Variants in VLDLR observed in about 807,000 individuals in gnomAD.
The protein encoded by VLDLR is very low-density lipoprotein receptor.
VLDLR carries 81 observed loss-of-function variants against 112.7 expected under a neutral mutation model. The observed-to-expected ratio is 0.72, with a 90% CI of 0.60 to 0.86. The LOEUF is 0.86. Among genes scored for constraint, VLDLR ranks in the 40% least tolerant of loss-of-function variants. The pLI, the probability that VLDLR is intolerant of heterozygous loss-of-function variation, is 0.00. For synonymous variants in VLDLR, 436 were observed against 384.8 expected (o/e 1.13, Z -1.56); for missense variants, 1,237 against 1,099.4 (o/e 1.13, Z -1.77).
chr9:2,623,010 G>A lies in VLDLR; in HGVS notation c.82+739G>A, dbSNP rs535686062. Among the ~76,000 whole-genome samples the A allele has an allele frequency of 1.1e-4, 17 of 152,372 alleles. 1 individual carries two copies. The Middle Eastern group carries it at 0.031, about 274-fold the overall frequency. On this transcript the variant is annotated intron_variant, in intron 1 of 18. Coordinates refer to ENST00000382100, the MANE Select transcript of VLDLR (RefSeq NM_003383.5). ...CGGGTCTCCCGTGTAGCTGAACGCG[G>A]AGGGGGAGTGGAGGGGAGACTTAAT...
At chr9:2,650,289 G>A in intron 14 of VLDLR, 81 bp from the exon 15 acceptor site, 2 of 1,582,672 alleles carry the variant, frequency 1.3e-6, no homozygotes, top group East Asian at 4.6e-5. Flanking sequence ...CAAGGACTCA[G>A]GTCTTCAACA....
Position 2,655,441 on chromosome 9 carries a change from G to C in VLDLR, c.*1573G>C, listed in dbSNP as rs1489001454. The stretch of plus-strand genomic sequence containing the variant: ...TGAGGTGGAGAGTTGGCTGTGGAAG[G>C]TACAGCAATTCCTCTGGAATTAAAT... On this transcript the variant is annotated 3_prime_UTR_variant, in exon 19 of 19. Transcript: ENST00000382100. 6.6e-6 allele frequency: 1 copy of C among 152,172 alleles called. No homozygotes were observed. The highest frequency in any genetic ancestry group is 1.5e-5 in the Non-Finnish European group (1 of 68,038). 9.4% of individuals were successfully genotyped at this position (152,172 alleles called of 1,614,324 possible). A position where few individuals can be genotyped will look rare whatever the true frequency, so the allele number is the denominator to read the frequency against.
At chr9:2,651,644 CAT>C in intron 16 of VLDLR, 146 bp downstream of exon 16, 2 of 906,208 alleles carry the variant, frequency 2.2e-6, no homozygotes, top group South Asian at 3.2e-5. Context: ...TTAAAACTTG[CAT>C]ATCTTTTCCT....
chr9:2,653,977 C>T lies in VLDLR; in HGVS notation c.*109C>T. 1 of 1,119,118 alleles carries T rather than the reference C, an allele frequency of 8.9e-7. No individual in the cohort carries two copies. The allele number at this position is 1,119,118 out of a possible 1,614,324, so 69.3% of individuals were successfully genotyped here. ...TTTTTCTTCCTCTCGGCTGGAAGAA[C>T]ATCAAGATACCTTTGCGTGGATCAA... On this transcript the variant is annotated 3_prime_UTR_variant, in exon 19 of 19. Transcript: ENST00000382100.
chr9:2,624,931 T>C (rs1817024574), intron 1 of VLDLR, among the ~76,000 whole-genome samples: 2 of 152,250 alleles, frequency 1.3e-5, no homozygotes, highest in African/African-American at 4.8e-5. Context: ...CATTTACCTA[T>C]AGTGCCTGTC....
At chr9:2,623,155 G>C (rs556907143) in intron 1 of VLDLR, among the ~76,000 whole-genome samples, 20 of 152,356 alleles carry the variant, frequency 1.3e-4, no homozygotes, top group Admixed American at 1.0e-3. Flanking sequence ...GCGCGAGAGC[G>C]AGCGTGTGGC....
chr9:2,647,679 A>T, intron 12 of VLDLR, 87 bp downstream of exon 12: 4 of 1,175,544 alleles, frequency 3.4e-6, no homozygotes, highest in South Asian at 1.2e-5. Flanking sequence ...GGACTAGCAG[A>T]TGACTCTACT....
At chr9:2,643,604 C>T in intron 5 of VLDLR, 24 bp from the exon 6 acceptor site, 1 of 1,614,186 alleles carries the variant, frequency 6.2e-7, no homozygotes, top group East Asian at 2.2e-5. Flanking sequence ...TGGCTTCATT[C>T]CATGGTGTTT....
intron 1 of VLDLR, among the ~76,000 whole-genome samples, chr9:2,633,935 C>G (rs1457806990): frequency 2.0e-5 from 3 of 152,166 alleles, no homozygotes; most frequent in African/African-American, 7.2e-5. Context: ...ACAACAATCT[C>G]TACCCTCCTC....
chr9:2,656,746 A>C lies in VLDLR; in HGVS notation c.*2878A>C, dbSNP rs898299034. On this transcript the variant is annotated 3_prime_UTR_variant, in exon 19 of 19. Coordinates refer to ENST00000382100, the MANE Select transcript of VLDLR (RefSeq NM_003383.5). ...GAATTGCCACAAAGATTGATGATAG[A>C]TGAATAAACAGATTTGTGGCCTCTG... The C allele has an allele frequency of 2.6e-5, 4 of 151,980 alleles. No individual in the cohort carries two copies. The South Asian group carries it at 8.3e-4, about 32-fold the overall frequency. 9.4% of individuals were successfully genotyped at this position (151,980 alleles called of 1,614,324 possible). A position where few individuals can be genotyped will look rare whatever the true frequency, so the allele number is the denominator to read the frequency against.
At chr9:2,625,930 C>G (rs1586632354) in intron 1 of VLDLR, among the ~76,000 whole-genome samples, 1 of 152,192 alleles carries the variant, frequency 6.6e-6, no homozygotes, top group African/African-American at 2.4e-5. Flanking sequence ...ATAGGCGAAT[C>G]TGGCTTTTAA....
intron 13 of VLDLR, 35 bp downstream of exon 13, chr9:2,648,382 G>A: frequency 6.2e-7 from 1 of 1,613,602 alleles, no homozygotes; most frequent in Non-Finnish European, 8.5e-7. Flanking sequence ...GTGTACCTTT[G>A]AGCTACTATA....
chr9:2,635,365 C>T (rs959044105), intron 1 of VLDLR, 88 bp from the exon 2 acceptor site: 33 of 1,602,066 alleles, frequency 2.1e-5, no homozygotes, highest in African/African-American at 6.7e-5. Flanking sequence ...CTGCAGTATC[C>T]TTCTGAGAAG....
chr9:2,651,807 C>T, intron 16 of VLDLR, 67 bp from the exon 17 acceptor site: 1 of 1,583,260 alleles, frequency 6.3e-7, no homozygotes, highest in African/African-American at 1.3e-5. Flanking sequence ...TGGCTCCTTA[C>T]CTGATGGGTA....
intron 11 of VLDLR, among the ~76,000 whole-genome samples, chr9:2,647,207 C>A (rs1461895406): frequency 6.6e-6 from 1 of 152,094 alleles, no homozygotes; most frequent in Non-Finnish European, 1.5e-5. Flanking sequence ...TAAGAACTGA[C>A]CTTTTAAAAA....
At chr9:2,626,882 C>T (rs1817114830) in intron 1 of VLDLR, among the ~76,000 whole-genome samples, 1 of 152,230 alleles carries the variant, frequency 6.6e-6, no homozygotes, top group African/African-American at 2.4e-5. Context: ...TAGACTGCCT[C>T]TAATCTTTCA....
rs371643128 is a variant in VLDLR at position 2,643,473 on chromosome 9, G to C, written c.762G>C (p.Lys254Asn). ...GCGGCTCTGGCGAGTGCATCCATAA[G>C]AAGTGGCGATGTGATGGGGACCCTG... The part of the protein sequence containing the change: ...IQCGSGECIH[K>N]KWRCDGDPDC... The change falls in exon 5 of 19, where the codon AAG becomes AAC. Residue 254 changes from lysine (K) to asparagine (N), a missense_variant. Physicochemically the swap from Lys to Asn is moderately conservative, Grantham distance 94. Transcript: ENST00000382100. The C allele has an allele frequency of 3.7e-6, 6 of 1,614,122 alleles. No individual in the cohort carries two copies. In the South Asian group the frequency reaches 5.5e-5, roughly 15 times the overall value.
At chr9:2,632,997 A>C (rs1280224575) in intron 1 of VLDLR, among the ~76,000 whole-genome samples, 1 of 150,248 alleles carries the variant, frequency 6.7e-6, no homozygotes, top group Admixed American at 6.6e-5. Flanking sequence ...TTAGTAGCAC[A>C]CTGTACTCCT....
chr9:2,646,631 C>T (rs1158662606), intron 11 of VLDLR, 79 bp downstream of exon 11: 2 of 1,302,184 alleles, frequency 1.5e-6, no homozygotes, highest in Admixed American at 1.9e-5. Flanking sequence ...TGAATTAGTA[C>T]TCAAATCTCA....
Sources: gnomAD v4.1 joint callset for allele counts (sites outside exome capture counted in the v4.1 genomes callset) on GRCh38, gnomAD v4.1.1 for gene constraint, MANE v1.5 for transcripts, NCBI Gene and HGNC (gene_info 2026-07-23, HGNC 2026-07-21) for gene names.